The following NOS1AP variants were observed in gnomAD, a reference collection of about 807,000 sequenced individuals.
NOS1AP encodes the protein carboxyl-terminal PDZ ligand of neuronal nitric oxide synthase protein.
NOS1AP carries 21 observed loss-of-function variants against 56.2 expected under a neutral mutation model. The ratio of observed to expected loss-of-function variants is 0.37; its 90% CI spans 0.26 to 0.54. NOS1AP has a LOEUF of 0.54. NOS1AP is among the 20% of genes least tolerant of loss of function. NOS1AP has a pLI of 0.84. For synonymous variants in NOS1AP, 270 were observed against 274.6 expected, an observed-to-expected ratio of 0.98 and a Z score of 0.17; for missense variants, 522 against 657.8, an observed-to-expected ratio of 0.79 and a Z score of 2.26.
intron 1 of NOS1AP, among the ~76,000 whole-genome samples, chr1:162,134,088 A>G (rs1223595160): frequency 6.6e-6 from 1 of 152,236 alleles, no homozygotes; most frequent in Admixed American, 6.5e-5. Context: ...AATTAATAGG[A>G]TAAAACACAG....
At chr1:162,240,505 C>T (rs1352639506) in intron 2 of NOS1AP, among the ~76,000 whole-genome samples, 1 of 152,200 alleles carries the variant, frequency 6.6e-6, no homozygotes, top group Non-Finnish European at 1.5e-5. Flanking sequence ...TACCATTAAC[C>T]ACCTGGATAA....
intron 4 of NOS1AP, among the ~76,000 whole-genome samples, chr1:162,313,023 C>G (rs1171667612): frequency 2.0e-5 from 3 of 152,052 alleles, no homozygotes; most frequent in Non-Finnish European, 4.4e-5. Context: ...CAGCCAATAT[C>G]ATACTGAATG....
chr1:162,148,456 A>G (rs999975978), intron 1 of NOS1AP, among the ~76,000 whole-genome samples: 7 of 152,390 alleles, frequency 4.6e-5, no homozygotes, highest in East Asian at 3.9e-4. Context: ...GAGATTAAGC[A>G]GAAATCTACA....
intron 4 of NOS1AP, among the ~76,000 whole-genome samples, chr1:162,327,725 G>A (rs1656638460): frequency 1.3e-5 from 2 of 152,188 alleles, no homozygotes. Context: ...GAGATGCTTT[G>A]CTAAAAATTC....
intron 3 of NOS1AP, among the ~76,000 whole-genome samples, chr1:162,293,933 C>G (rs1448556762): frequency 6.6e-6 from 1 of 152,078 alleles, no homozygotes; most frequent in Admixed American, 6.5e-5. Flanking sequence ...GACTTTTTTC[C>G]CCACATCAAC....
intron 1 of NOS1AP, among the ~76,000 whole-genome samples, chr1:162,080,410 C>T (rs1006791584): frequency 1.3e-5 from 2 of 152,076 alleles, no homozygotes; most frequent in African/African-American, 4.8e-5. Flanking sequence ...ATTCTTGAAA[C>T]GAAGTGCTTT....
intron 3 of NOS1AP, among the ~76,000 whole-genome samples, chr1:162,288,583 C>T (rs955938832): frequency 6.6e-6 from 1 of 152,156 alleles, no homozygotes; most frequent in Non-Finnish European, 1.5e-5. Flanking sequence ...TGATTGGACA[C>T]CTGTAGCAAT....
intron 2 of NOS1AP, among the ~76,000 whole-genome samples, chr1:162,173,457 A>AT (rs1650902333): frequency 6.6e-6 from 1 of 152,250 alleles, no homozygotes; most frequent in East Asian, 1.9e-4. Flanking sequence ...ACCTAAAACC[A>AT]TAAAAACCCT....
Position 162,152,770 on chromosome 1 carries a change from G to A in NOS1AP, c.106-1635G>A, listed in dbSNP as rs73026943. ...AATCCCTTTGTGGTATTTAGTTTTT[G>A]AAACCCTCCTCACTGGGGTCAGGCC... is the stretch of plus-strand genomic sequence containing the variant. On this transcript the variant is annotated intron_variant, in intron 1 of 9. Coordinates refer to ENST00000361897, the MANE Select transcript of NOS1AP (RefSeq NM_014697.3). Among the ~76,000 whole-genome samples, 1,445 of 152,282 alleles carry A rather than the reference G, an allele frequency of 9.5e-3. 22 individuals carry two copies. Among genetic ancestry groups the A allele is most frequent in the African/African-American group, 0.033 (1,378 of 41,538 alleles).
chr1:162,150,113 A>G (rs1470991271), intron 1 of NOS1AP, among the ~76,000 whole-genome samples: 1 of 152,096 alleles, frequency 6.6e-6, no homozygotes, highest in Non-Finnish European at 1.5e-5. Context: ...CTCATTAACC[A>G]TCCTTCCCTC....
At chr1:162,317,353 T>C (rs1656263449) in intron 4 of NOS1AP, 1 of 152,220 alleles carries the variant, frequency 6.6e-6, no homozygotes, top group African/African-American at 2.4e-5. Context: ...TATATGTATA[T>C]ACACATGCGT....
chr1:162,114,481 A>C (rs1558105066), intron 1 of NOS1AP, among the ~76,000 whole-genome samples: 2 of 152,192 alleles, frequency 1.3e-5, no homozygotes, highest in Non-Finnish European at 2.9e-5. Flanking sequence ...CCTAAAAGCC[A>C]GCTAATTATG....
At chr1:162,070,671 C>T (rs1033327479) in intron 1 of NOS1AP, among the ~76,000 whole-genome samples, 2 of 152,130 alleles carry the variant, frequency 1.3e-5, no homozygotes, top group African/African-American at 2.4e-5. Flanking sequence ...ACCTGCTGGG[C>T]TCCCAGGGAG....
chr1:162,251,196 G>A (rs1386933891), intron 2 of NOS1AP, among the ~76,000 whole-genome samples: 1 of 152,148 alleles, frequency 6.6e-6, no homozygotes, highest in African/African-American at 2.4e-5. Context: ...TGTGAATAGA[G>A]GTAGTCTGAG....
At chr1:162,124,507 G>GTGTGTGTGTGTGT (rs77245896) in intron 1 of NOS1AP, among the ~76,000 whole-genome samples, 7 of 150,544 alleles carry the variant, frequency 4.6e-5, no homozygotes, top group African/African-American at 1.7e-4. Context: ...GTGTGTGTGT[G>GTGTGTGTGTGTGT]ACACACACAC....
intron 2 of NOS1AP, among the ~76,000 whole-genome samples, chr1:162,244,739 G>A (rs993443919): frequency 1.3e-5 from 2 of 152,188 alleles, no homozygotes; most frequent in African/African-American, 4.8e-5. Context: ...CCCATTGGGT[G>A]CCAGTAGCAA....
chr1:162,106,733 C>T (rs1277378316), intron 1 of NOS1AP, among the ~76,000 whole-genome samples: 1 of 152,168 alleles, frequency 6.6e-6, no homozygotes, highest in Non-Finnish European at 1.5e-5. Context: ...AGTTTGACCA[C>T]AACTCTGTTG....
chr1:162,152,005 G>A (rs750310862), intron 1 of NOS1AP, among the ~76,000 whole-genome samples: 3 of 152,154 alleles, frequency 2.0e-5, no homozygotes, highest in Non-Finnish European at 4.4e-5. Context: ...TGAGCCCCTT[G>A]TTAGGAAGCC....
At chr1:162,263,313 T>G (rs1370157827) in intron 2 of NOS1AP, among the ~76,000 whole-genome samples, 1 of 152,226 alleles carries the variant, frequency 6.6e-6, no homozygotes, top group Non-Finnish European at 1.5e-5. Context: ...GCAAAGCCCT[T>G]TATGCTGTGT....
Sources: gnomAD v4.1 joint callset for allele counts (sites outside exome capture counted in the v4.1 genomes callset) on GRCh38, gnomAD v4.1.1 for gene constraint, MANE v1.5 for transcripts, NCBI Gene and HGNC (gene_info 2026-07-23, HGNC 2026-07-21) for gene names.